FANK1: variants seen among roughly 807,000 people sequenced by gnomAD.
FANK1 encodes the protein fibronectin type 3 and ankyrin repeat domains protein 1.
Under a neutral mutation model 45.3 loss-of-function variants are expected in FANK1, and 44 were observed. That is an observed-to-expected ratio of 0.97 (90% CI 0.76 to 1.25). FANK1 has a LOEUF of 1.25. Among genes scored for constraint, FANK1 ranks in the 50% most tolerant of loss-of-function variants. The pLI, the probability that FANK1 is intolerant of heterozygous loss-of-function variation, is 0.00. For missense variants in FANK1, 391 were observed against 424.4 expected, an observed-to-expected ratio of 0.92 and a Z score of 0.69; for synonymous variants, 149 against 152.5, an observed-to-expected ratio of 0.98 and a Z score of 0.17.
chr10:125,944,763 C>G (rs563157829), intron 1 of FANK1, among the ~76,000 whole-genome samples: 1 of 152,214 alleles, frequency 6.6e-6, no homozygotes, highest in Non-Finnish European at 1.5e-5. Context: ...TCCTTTAATT[C>G]GGCCCATCCC....
chr10:125,925,528 G>A (rs1278335212), intron 1 of FANK1, among the ~76,000 whole-genome samples: 1 of 152,038 alleles, frequency 6.6e-6, no homozygotes, highest in Non-Finnish European at 1.5e-5. Context: ...TCCTACCTCA[G>A]TCTTTAGAGT....
chr10:125,978,973 C>T (rs560219286), intron 1 of FANK1, among the ~76,000 whole-genome samples: 5 of 152,338 alleles, frequency 3.3e-5, no homozygotes, highest in South Asian at 4.1e-4. Context: ...CGTGCCTGAG[C>T]GGCTGCTCTG....
At chr10:125,967,132 CAGTGGTATTAA>C (rs1950238159) in intron 1 of FANK1, among the ~76,000 whole-genome samples, 1 of 152,114 alleles carries the variant, frequency 6.6e-6, no homozygotes, top group African/African-American at 2.4e-5. Context: ...TCATTGCTGT[CAGTGGTATTAA>C]AGTGTTCCTC....
intron 1 of FANK1, among the ~76,000 whole-genome samples, chr10:125,940,694 T>A (rs1948396568): frequency 6.6e-6 from 1 of 152,092 alleles, no homozygotes; most frequent in Non-Finnish European, 1.5e-5. Context: ...GGTCTTTCCC[T>A]TCGCACGAGG....
intron 1 of FANK1, among the ~76,000 whole-genome samples, chr10:125,919,365 C>T (rs1046484915): frequency 4.0e-5 from 6 of 151,802 alleles, no homozygotes; most frequent in Admixed American, 3.3e-4. Context: ...ACCACCACAC[C>T]CGGCTGATTT....
chr10:125,999,256 G>A (rs536597838), intron 6 of FANK1, among the ~76,000 whole-genome samples: 29 of 145,572 alleles, frequency 2.0e-4, no homozygotes, highest in East Asian at 4.0e-4. Flanking sequence ...TTGGAGTGCA[G>A]TGGCGCGATC....
intron 1 of FANK1, among the ~76,000 whole-genome samples, chr10:125,930,500 C>CTT (rs530257946): frequency 2.4e-4 from 34 of 138,788 alleles, no homozygotes; most frequent in African/African-American, 4.2e-4. Context: ...CCACACTCAA[C>CTT]TTTTTTTTTT....
chr10:125,995,025 T>TC (rs1167653126), intron 3 of FANK1: 2 of 894,366 alleles, frequency 2.2e-6, no homozygotes, highest in Non-Finnish European at 2.7e-6. Flanking sequence ...TTTGTCTTTT[T>TC]TTTTTTTCCA....
At chr10:125,966,353 C>G (rs1359705068) in intron 1 of FANK1, among the ~76,000 whole-genome samples, 1 of 152,170 alleles carries the variant, frequency 6.6e-6, no homozygotes, top group Non-Finnish European at 1.5e-5. Flanking sequence ...CGAGACCTCA[C>G]TTAAGGCACC....
chr10:125,952,238 A>AT (rs1381338128), intron 1 of FANK1, among the ~76,000 whole-genome samples: 1 of 152,046 alleles, frequency 6.6e-6, no homozygotes, highest in Non-Finnish European at 1.5e-5. Flanking sequence ...TATGTACACT[A>AT]TTTTTTGAGT....
intron 1 of FANK1, among the ~76,000 whole-genome samples, chr10:125,959,238 A>G (rs1181951416): frequency 7.8e-6 from 1 of 128,336 alleles, no homozygotes; most frequent in Non-Finnish European, 1.8e-5. Flanking sequence ...CTCTACTAAA[A>G]ATCCACACAC....
rs1387118238 is a variant in FANK1 at position 125,996,562 on chromosome 10, T to G, written c.411T>G (p.Val137=). The G allele has an allele frequency of 1.2e-6, 2 of 1,614,202 alleles. No homozygotes were observed. The highest frequency in any genetic ancestry group is 2.7e-5 in the African/African-American group (2 of 75,054). Residue 137 remains valine, a synonymous_variant, in exon 5 of 11, where the codon GTT becomes GTG. Coordinates refer to ENST00000368693, the MANE Select transcript of FANK1 (RefSeq NM_145235.5). ...TGCTTTTCCCAAGCCGTGTTAAGGT[T>G]GATGTTCCCAATAAGTTTGGCTTTA... The part of the protein sequence containing the change: ...VRILQGGRVK[V]DVPNKFGFTA...
chr10:125,995,381 T>C (rs770187871), intron 3 of FANK1, 36 bp from the exon 4 acceptor site: 3 of 1,593,152 alleles, frequency 1.9e-6, no homozygotes, highest in South Asian at 1.1e-5. Flanking sequence ...CCTTTTCTGA[T>C]GTTCTGGATG....
At chr10:126,001,010 G>C (rs1332557432) in intron 6 of FANK1, among the ~76,000 whole-genome samples, 1 of 152,160 alleles carries the variant, frequency 6.6e-6, no homozygotes, top group African/African-American at 2.4e-5. Context: ...GAAATAACCT[G>C]TACTTTCAAA....
At chr10:125,921,362 C>T (rs897090018) in intron 1 of FANK1, among the ~76,000 whole-genome samples, 1 of 152,046 alleles carries the variant, frequency 6.6e-6, no homozygotes, top group Admixed American at 6.6e-5. Context: ...ACAGTTATTC[C>T]TTTTTATTGC....
At chr10:126,006,814 T>C (rs1232948445) in intron 7 of FANK1, among the ~76,000 whole-genome samples, 5 of 152,200 alleles carry the variant, frequency 3.3e-5, no homozygotes, top group Non-Finnish European at 7.3e-5. Context: ...GAGCCAAGAT[T>C]GTGCCACTGC....
chr10:125,934,139 C>CA (rs1382822608), intron 1 of FANK1, among the ~76,000 whole-genome samples: 1 of 152,038 alleles, frequency 6.6e-6, no homozygotes, highest in Non-Finnish European at 1.5e-5. Flanking sequence ...AAAATGCATA[C>CA]AATCAGTTAA....
chr10:125,930,002 G>A (rs376802935), intron 1 of FANK1, among the ~76,000 whole-genome samples: 1 of 152,144 alleles, frequency 6.6e-6, no homozygotes, highest in African/African-American at 2.4e-5. Flanking sequence ...TATCAAGTAG[G>A]AAACTTTTTC....
chr10:125,946,373 GA>G (rs1182216028), intron 1 of FANK1, among the ~76,000 whole-genome samples: 1 of 148,990 alleles, frequency 6.7e-6, no homozygotes, highest in Non-Finnish European at 1.5e-5. Flanking sequence ...AAATTTAGAA[GA>G]ATGTATAACT....
Sources: allele counts gnomAD v4.1 joint callset (sites outside exome capture counted in the v4.1 genomes callset), GRCh38; gene constraint gnomAD v4.1.1; transcripts MANE v1.5; gene names NCBI Gene and HGNC (gene_info 2026-07-23, HGNC 2026-07-21).